KIAA0513: variants seen among roughly 807,000 people sequenced by gnomAD.
The protein encoded by KIAA0513 is KIAA0513, also known as uncharacterized protein KIAA0513.
Under a neutral mutation model 56.5 loss-of-function variants are expected in KIAA0513, and 39 were observed. The observed-to-expected ratio is 0.69, with a 90% confidence interval of 0.53 to 0.90. The LOEUF (loss-of-function observed/expected upper bound fraction) is 0.90, where lower values mean the gene tolerates loss of function less well. Among genes scored for constraint, KIAA0513 ranks in the 40% least tolerant of loss-of-function variants. The probability of loss-of-function intolerance (pLI) is 0.00; values close to 1 mark genes in which losing one functional copy is unlikely to be tolerated. For missense variants in KIAA0513, 591 were observed against 535.2 expected (o/e 1.10, Z -1.03); for synonymous variants, 268 against 215.6 (o/e 1.24, Z -2.13).
At chr16:85,070,863 T>A (rs895812696) in intron 2 of KIAA0513, among the ~76,000 whole-genome samples, 6 of 152,202 alleles carry the variant, frequency 3.9e-5, no homozygotes, top group African/African-American at 1.4e-4. Context: ...AAAGCCAGCC[T>A]CTATTTGCAG....
At chr16:85,063,258 T>A (rs1029832642) in intron 1 of KIAA0513, 3 of 152,080 alleles carry the variant, frequency 2.0e-5, no homozygotes, top group Admixed American at 2.0e-4. Flanking sequence ...TCGTCCAGTT[T>A]GATTGATTGA....
intron 1 of KIAA0513, among the ~76,000 whole-genome samples, chr16:85,054,421 C>CTTTTTTTTTTTTTTTTTTGTTTT (rs2073299172): frequency 8.4e-6 from 1 of 119,552 alleles, no homozygotes; most frequent in Admixed American, 9.0e-5. Flanking sequence ...TTTTTCTTTT[C>CTTTTTTTTTTTTTTTTTTGTTTT]TTTTTTTTTT....
At chr16:85,086,767 G>T in intron 11 of KIAA0513, 43 bp downstream of exon 11, 1 of 1,537,008 alleles carries the variant, frequency 6.5e-7, no homozygotes, top group Non-Finnish European at 8.9e-7. Context: ...AGGGGGGAGG[G>T]CCCACCCTGT....
At chr16:85,045,145 A>G (rs2073154615) in intron 1 of KIAA0513, among the ~76,000 whole-genome samples, 1 of 151,964 alleles carries the variant, frequency 6.6e-6, no homozygotes, top group Non-Finnish European at 1.5e-5. Context: ...AATGACAAAA[A>G]AAAAGAAAGC....
At chr16:85,073,108 A>T in intron 4 of KIAA0513, 110 bp downstream of exon 4, 1 of 905,470 alleles carries the variant, frequency 1.1e-6, no homozygotes, top group Non-Finnish European at 1.8e-6. Context: ...TATCCACACT[A>T]GTCATCAGGT....
chr16:85,045,262 C>T (rs982903045), intron 1 of KIAA0513, among the ~76,000 whole-genome samples: 9 of 152,178 alleles, frequency 5.9e-5, no homozygotes, highest in Non-Finnish European at 1.0e-4. Context: ...CCACACATGC[C>T]TGGTTTCAGC....
intron 10 of KIAA0513, among the ~76,000 whole-genome samples, chr16:85,085,390 C>G (rs1242404319): frequency 2.0e-5 from 3 of 152,216 alleles, no homozygotes; most frequent in Admixed American, 6.5e-5. Flanking sequence ...GCCAGGAGAT[C>G]ATGTTCCTTT....
chr16:85,038,630 C>A (rs2073065314), intron 1 of KIAA0513, among the ~76,000 whole-genome samples: 1 of 149,948 alleles, frequency 6.7e-6, no homozygotes, highest in Non-Finnish European at 1.5e-5. Context: ...ATCACTTGAA[C>A]CTAGGAGGCG....
rs1270172480 is a variant in KIAA0513, at chr16:85,093,975, C to A, written c.*5650C>A. 1 of 152,200 alleles carries A rather than the reference C, an allele frequency of 6.6e-6. No homozygotes were observed. The highest frequency in any genetic ancestry group is 1.5e-5 in the Non-Finnish European group (1 of 68,042). 9.4% of individuals were successfully genotyped at this position (152,200 alleles called of 1,614,324 possible). A position where few individuals can be genotyped will look rare whatever the true frequency, so the allele number is the denominator to read the frequency against. Reference sequence around the variant, plus strand: ...TTTCCTAGACTCGCGGTGCTCACATCCAGACATTACCTTGTTGGTAGCCCC... The same window carrying A: ...TTTCCTAGACTCGCGGTGCTCACATACAGACATTACCTTGTTGGTAGCCCC... On this transcript the variant is annotated 3_prime_UTR_variant, in exon 13 of 13. Coordinates refer to ENST00000683363, the MANE Select transcript of KIAA0513 (RefSeq NM_001388359.1).
chr16:85,067,887 T>C (rs2073512221), intron 2 of KIAA0513, among the ~76,000 whole-genome samples: 1 of 151,996 alleles, frequency 6.6e-6, no homozygotes, highest in Non-Finnish European at 1.5e-5. Context: ...CTCAGCTTAA[T>C]GCAAGCTCTG....
At chr16:85,044,449 T>G (rs2073143932) in intron 1 of KIAA0513, among the ~76,000 whole-genome samples, 1 of 152,324 alleles carries the variant, frequency 6.6e-6, no homozygotes, top group African/African-American at 2.4e-5. Flanking sequence ...TCCCTGCTGT[T>G]CTGGAAACAT....
chr16:85,028,966 G>A (rs1261912791), intron 1 of KIAA0513, among the ~76,000 whole-genome samples: 3 of 152,214 alleles, frequency 2.0e-5, no homozygotes, highest in Admixed American at 1.3e-4. Context: ...CAGCCTAAAA[G>A]CAGGGCAGAG....
intron 1 of KIAA0513, among the ~76,000 whole-genome samples, chr16:85,038,272 T>C (rs1381588376): frequency 6.6e-6 from 1 of 152,230 alleles, no homozygotes; most frequent in African/African-American, 2.4e-5. Flanking sequence ...ACCTCCCCGC[T>C]TTCTCCGGCT....
chr16:85,070,657 A>C (rs1240199512), intron 2 of KIAA0513, among the ~76,000 whole-genome samples: 2 of 152,248 alleles, frequency 1.3e-5, no homozygotes, highest in Non-Finnish European at 2.9e-5. Context: ...CAGCCTGCGC[A>C]AGACAGAGCG....
At chr16:85,049,000 G>A (rs139355961) in intron 1 of KIAA0513, among the ~76,000 whole-genome samples, 47 of 152,320 alleles carry the variant, frequency 3.1e-4, no homozygotes, top group East Asian at 2.5e-3. Flanking sequence ...AGGGAAAAGC[G>A]GCCTGATTAG....
intron 1 of KIAA0513, among the ~76,000 whole-genome samples, chr16:85,036,252 G>A (rs2073034688): frequency 1.3e-5 from 2 of 152,098 alleles, no homozygotes; most frequent in Admixed American, 1.3e-4. Context: ...TTTACTGAGT[G>A]ATGCAACCCT....
intron 10 of KIAA0513, among the ~76,000 whole-genome samples, chr16:85,085,588 C>T (rs2073798945): frequency 6.6e-6 from 1 of 152,224 alleles, no homozygotes; most frequent in African/African-American, 2.4e-5. Context: ...CAGGTAGCTT[C>T]TCAGATGGAC....
rs2073654057 is a variant in KIAA0513, at chr16:85,076,240, A to T, written c.574+326A>T. ...TCATGGTGGAAACAGGAACTGCTGG[A>T]CATGAAGTTATCAGTTTTATGTTTT... On this transcript the variant is annotated intron_variant, in intron 5 of 12. Transcript: ENST00000683363. This position sits in a 1 kb window ranked among gnomAD's most constrained non-coding sequence, Gnocchi z 4.7. 6.6e-6 allele frequency among the ~76,000 whole-genome samples: 1 copy of T among 152,190 alleles called. No individual in the cohort carries two copies. The highest frequency in any genetic ancestry group is 2.4e-5 in the African/African-American group (1 of 41,444).
intron 1 of KIAA0513, among the ~76,000 whole-genome samples, chr16:85,055,715 C>A (rs1290279387): frequency 1.3e-5 from 2 of 152,148 alleles, no homozygotes; most frequent in African/African-American, 4.8e-5. Flanking sequence ...CCACCTTCTC[C>A]TTTTGAAATG....
Sources: gnomAD v4.1 joint callset for allele counts (sites outside exome capture counted in the v4.1 genomes callset) on GRCh38, gnomAD v4.1.1 for gene constraint, Gnocchi (gnomAD v3.1) non-coding constraint, MANE v1.5 for transcripts, NCBI Gene and HGNC (gene_info 2026-07-23, HGNC 2026-07-21) for gene names.